The following SLC28A1 variants were observed in gnomAD, a reference collection of about 807,000 sequenced individuals.
SLC28A1 encodes the protein solute carrier family 28 member 1.
SLC28A1 carries 64 observed loss-of-function variants against 74.8 expected under a neutral mutation model. The ratio of observed to expected loss-of-function variants is 0.86; its 90% CI spans 0.70 to 1.05. SLC28A1 has a LOEUF of 1.05. Ranked by LOEUF, SLC28A1 falls within the 50% of genes least tolerant of loss-of-function variation. SLC28A1 has a pLI of 0.00. For missense variants in SLC28A1, 828 were observed against 822.8 expected, an observed-to-expected ratio of 1.01 and a Z score of -0.08; for synonymous variants, 359 against 335.0, an observed-to-expected ratio of 1.07 and a Z score of -0.78.
At chr15:84,903,772 C>A (rs545527512) in intron 6 of SLC28A1, among the ~76,000 whole-genome samples, 6 of 152,288 alleles carry the variant, frequency 3.9e-5, no homozygotes, top group Non-Finnish European at 8.8e-5. Flanking sequence ...TGGATGGAGC[C>A]AGGTGCTTGT....
rs573254784 is a variant in SLC28A1 at position 84,895,153 on chromosome 15, C to G, written c.461+30C>G. 247 of 1,612,078 alleles carry G rather than the reference C, an allele frequency of 1.5e-4. 1 individual carries two copies. Among genetic ancestry groups the G allele is most frequent in the Middle Eastern group, 1.1e-3 (6 of 5,556 alleles). On this transcript the variant is annotated intron_variant, in intron 6 of 18. Coordinates refer to ENST00000394573, the MANE Select transcript of SLC28A1 (RefSeq NM_004213.5). ...GTGAGCTCACAGCCCCGAGGCAGGG[C>G]AGGGGAGGGCCCATGAGCTGAGGGG... is the stretch of plus-strand genomic sequence containing the variant.
At chr15:84,916,330 C>T (rs1314844582) in intron 9 of SLC28A1, among the ~76,000 whole-genome samples, 1 of 150,362 alleles carries the variant, frequency 6.7e-6, no homozygotes, top group South Asian at 2.1e-4. Context: ...CAGCCTCGAA[C>T]TCCTGGAATC....
At chr15:84,894,646 G>A (rs929678705) in intron 5 of SLC28A1, among the ~76,000 whole-genome samples, 3 of 152,178 alleles carry the variant, frequency 2.0e-5, no homozygotes, top group African/African-American at 7.2e-5. Flanking sequence ...GATGCCCAGC[G>A]CCTCTTGCTG....
At chr15:84,918,666 T>A in intron 10 of SLC28A1, 62 bp downstream of exon 10, 1 of 1,296,238 alleles carries the variant, frequency 7.7e-7, no homozygotes, top group East Asian at 2.3e-5. Flanking sequence ...GGGTTCACAC[T>A]GTCCCAGAAT....
rs768776562 is a variant in SLC28A1, at chr15:84,894,998, GTTTGTCCTCACCTGT to G, written c.337_351del (p.Phe113_Cys117del). 1.9e-6 allele frequency: 3 copies of G among 1,614,194 alleles called. No homozygotes were observed. Among genetic ancestry groups the G allele is most frequent in the Non-Finnish European group, 2.5e-6 (3 of 1,180,040 alleles). Reference sequence around the variant, plus strand: ...TGGATTTCCAGAGGGCCCTGGCTCTGTTTGTCCTCACCTGTGTGGTCCTCACCTTCCTGGGCCACC... The same window carrying G: ...TGGATTTCCAGAGGGCCCTGGCTCTGGTGGTCCTCACCTTCCTGGGCCACC... On this transcript the variant is annotated inframe_deletion, in exon 6 of 19. Transcript: ENST00000394573.
At chr15:84,902,451 G>A (rs1417790377) in intron 6 of SLC28A1, among the ~76,000 whole-genome samples, 1 of 150,098 alleles carries the variant, frequency 6.7e-6, no homozygotes, top group African/African-American at 2.5e-5. Flanking sequence ...CTGCACTGCA[G>A]CTTGAGCAAT....
intron 12 of SLC28A1, among the ~76,000 whole-genome samples, chr15:84,926,313 C>T (rs575376550): frequency 1.3e-5 from 2 of 151,758 alleles, no homozygotes; most frequent in South Asian, 4.2e-4. Flanking sequence ...ATTCTCCCAC[C>T]TCAGCCTCCT....
chr15:84,903,620 T>A (rs1418548835), intron 6 of SLC28A1, among the ~76,000 whole-genome samples: 2 of 152,148 alleles, frequency 1.3e-5, no homozygotes, highest in Non-Finnish European at 2.9e-5. Flanking sequence ...GTGCTCAGCT[T>A]GGAGGTCCAA....
At chr15:84,909,821 A>G (rs1432459636) in intron 9 of SLC28A1, among the ~76,000 whole-genome samples, 1 of 152,258 alleles carries the variant, frequency 6.6e-6, no homozygotes, top group African/African-American at 2.4e-5. Context: ...CGGGACCGCC[A>G]TCACCATGGA....
At chr15:84,894,870 C>A in intron 5 of SLC28A1, 70 bp from the exon 6 acceptor site, 5 of 1,484,280 alleles carry the variant, frequency 3.4e-6, no homozygotes, top group South Asian at 2.3e-5. Context: ...GTGGAGTCCG[C>A]GGGCGGGGCT....
the SLC28A1 span, among the ~76,000 whole-genome samples, chr15:84,969,049 C>T: frequency 6.6e-6 from 1 of 152,104 alleles, no homozygotes; most frequent in African/African-American, 2.4e-5. Flanking sequence ...TTTATATGCA[C>T]AAATGGTCAT....
intron 13 of SLC28A1, among the ~76,000 whole-genome samples, chr15:84,933,683 C>T (rs565484858): frequency 1.3e-5 from 2 of 152,064 alleles, no homozygotes; most frequent in South Asian, 2.1e-4. Context: ...CTTAAGAAGC[C>T]ACCAGTCAAG....
In SLC28A1 at chr15:84,884,728, C is replaced by G; in HGVS notation, c.-156C>G. Reference sequence around the variant, plus strand: ...TGGATGTGTTGTGTTCCTGGCTTCCCTCTGGATGCTGACAGAAACAAGGGT... The same window carrying G: ...TGGATGTGTTGTGTTCCTGGCTTCCGTCTGGATGCTGACAGAAACAAGGGT... On this transcript the variant is annotated 5_prime_UTR_variant, in exon 1 of 19. Coordinates refer to ENST00000394573, the MANE Select transcript of SLC28A1 (RefSeq NM_004213.5). 1 of 985,714 alleles carries G rather than the reference C, an allele frequency of 1.0e-6. No homozygotes were observed. Among genetic ancestry groups the G allele is most frequent in the African/African-American group, 1.7e-5 (1 of 57,354 alleles). 61.1% of individuals were successfully genotyped at this position (985,714 alleles called of 1,614,324 possible).
At chr15:84,924,131 G>A in intron 12 of SLC28A1, 21 bp downstream of exon 12, 1 of 1,608,834 alleles carries the variant, frequency 6.2e-7, no homozygotes, top group Non-Finnish European at 8.5e-7. Context: ...CCCTCCTTCT[G>A]CTTGGCTATG....
At chr15:84,948,311 A>G (rs2079301643), downstream of SLC28A1, among the ~76,000 whole-genome samples, 1 of 152,156 alleles carries the variant, frequency 6.6e-6, no homozygotes, top group Admixed American at 6.5e-5. Flanking sequence ...GTTGGACAGG[A>G]CCTTAAACAT....
chr15:84,894,956 G>T lies in SLC28A1; in HGVS notation c.294G>T (p.Leu98=). The T allele has an allele frequency of 6.2e-7, 1 of 1,614,114 alleles. No homozygotes were observed. The highest frequency in any genetic ancestry group is 1.3e-5 in the African/African-American group (1 of 75,034). The change falls in exon 6 of 19, where the codon CTG becomes CTT. Residue 98 remains leucine (L), a synonymous_variant. Coordinates refer to ENST00000394573, the MANE Select transcript of SLC28A1 (RefSeq NM_004213.5). ...GLLCTGLSAF[L]LVACLLDFQR... is the part of the protein sequence containing the mutation. ...ATCCCCCAGGGCTCTCTGCCTTCCTGCTGGTGGCCTGCCTCCTGGATTTCC... is the reference window on the plus strand; with the variant it reads ...ATCCCCCAGGGCTCTCTGCCTTCCTTCTGGTGGCCTGCCTCCTGGATTTCC...
chr15:84,886,323 G>A (rs2141606368), intron 1 of SLC28A1: 10 of 984,818 alleles, frequency 1.0e-5, no homozygotes, highest in Middle Eastern at 1.0e-3. Context: ...GATGCAAAAT[G>A]AAAGATAAAA....
rs13379949 is a variant in SLC28A1 at position 84,925,242 on chromosome 15, G to C, written c.1083+1132G>C. Among the ~76,000 whole-genome samples, 9 of 151,888 alleles carry C rather than the reference G, an allele frequency of 5.9e-5. No homozygotes were observed. In the East Asian group the frequency reaches 1.7e-3, roughly 29 times the overall value. The stretch of plus-strand genomic sequence containing the variant: ...CCTGGTAATTGCTTTTAATAGCGTA[G>C]AACAGCTATTCTGAAAGTGGGGTCC... On this transcript the variant is annotated intron_variant, in intron 12 of 18. Transcript: ENST00000394573.
rs557833094 is a variant in SLC28A1, at chr15:84,886,426, C to T, written c.-132-246C>T. On this transcript the variant is annotated intron_variant, in intron 1 of 18. Coordinates refer to ENST00000394573, the MANE Select transcript of SLC28A1 (RefSeq NM_004213.5). ...CACATAGGTGGCTTCCTGGAAGAAG[C>T]GGCCCTAATAGGCCTGGAAGAGGTC... 5.1e-5 allele frequency: 50 copies of T among 985,324 alleles called. No individual in the cohort carries two copies. In the East Asian group the frequency reaches 3.0e-3, roughly 58 times the overall value. The allele number at this position is 985,324 out of a possible 1,614,324, so 61.0% of individuals were successfully genotyped here.
Sources: allele counts gnomAD v4.1 joint callset (sites outside exome capture counted in the v4.1 genomes callset), GRCh38; gene constraint gnomAD v4.1.1; transcripts MANE v1.5; gene names NCBI Gene and HGNC (gene_info 2026-07-23, HGNC 2026-07-21).